SLC38A1: variants seen among roughly 807,000 people sequenced by gnomAD.
SLC38A1 encodes the protein solute carrier family 38 member 1.
SLC38A1 carries 18 observed loss-of-function variants against 60.3 expected under a neutral mutation model. The observed-to-expected ratio is 0.30, with a 90% confidence interval of 0.21 to 0.44. The LOEUF (loss-of-function observed/expected upper bound fraction) is 0.44. Among genes scored for constraint, SLC38A1 ranks in the 20% least tolerant of loss-of-function variants. The pLI, the probability that SLC38A1 is intolerant of heterozygous loss-of-function variation, is 1.00. For missense variants in SLC38A1, 448 were observed against 587.2 expected, an observed-to-expected ratio of 0.76 and a Z score of 2.45; for synonymous variants, 196 against 212.1, an observed-to-expected ratio of 0.92 and a Z score of 0.66.
At position 46,201,182 on chromosome 12, in the gene SLC38A1, T is replaced by A; in HGVS notation, c.919A>T (p.Met307Leu). 1 of 1,611,978 alleles carries A rather than the reference T, an allele frequency of 6.2e-7. No homozygotes were observed. The highest frequency in any genetic ancestry group is 8.5e-7 in the Non-Finnish European group (1 of 1,178,846). Residue 307 changes from methionine (M) to leucine (L), a missense_variant, in exon 13 of 17, where the codon ATG (methionine) becomes TTG (leucine). Physicochemically the swap from Met to Leu is conservative, Grantham distance 15. Coordinates refer to ENST00000398637, the MANE Select transcript of SLC38A1 (RefSeq NM_030674.4). ...SELKDRSQKK[M>L]QMVSNISFFA... The stretch of plus-strand genomic sequence containing the variant: ...AAGGAGATGTTTGAAACCATCTGCA[T>A]TTTTTTCTGTGATCGGCTAAAAACA...
intron 5 of SLC38A1, among the ~76,000 whole-genome samples, chr12:46,221,890 A>C (rs913730568): frequency 1.3e-5 from 2 of 152,180 alleles, no homozygotes; most frequent in African/African-American, 4.8e-5. Flanking sequence ...GTTTTGGAGG[A>C]GATAACATCT....
chr12:46,249,821 G>C (rs1006339972), intron 1 of SLC38A1, among the ~76,000 whole-genome samples: 1 of 152,090 alleles, frequency 6.6e-6, no homozygotes, highest in African/African-American at 2.4e-5. Flanking sequence ...ACCAATAACA[G>C]GCTGTGAAAT....
intron 1 of SLC38A1, among the ~76,000 whole-genome samples, chr12:46,253,392 A>G (rs1021658066): frequency 6.6e-6 from 1 of 152,196 alleles, no homozygotes; most frequent in African/African-American, 2.4e-5. Flanking sequence ...TTTTATGGTT[A>G]TTTGTTGATG....
chr12:46,231,493 A>T (rs1941075898), intron 3 of SLC38A1, among the ~76,000 whole-genome samples: 1 of 152,232 alleles, frequency 6.6e-6, no homozygotes, highest in South Asian at 2.1e-4. Context: ...TATTAGTAAG[A>T]TATGTTAAGG....
chr12:46,237,237 C>T (rs886583762), intron 3 of SLC38A1, among the ~76,000 whole-genome samples: 2 of 152,144 alleles, frequency 1.3e-5, no homozygotes, highest in Admixed American at 6.5e-5. Context: ...TTGGACCTAC[C>T]TTCCTCCCAC....
chr12:46,213,683 G>A (rs1399809783), intron 5 of SLC38A1, among the ~76,000 whole-genome samples: 1 of 152,128 alleles, frequency 6.6e-6, no homozygotes, highest in Non-Finnish European at 1.5e-5. Flanking sequence ...CTCCACTCTA[G>A]TGTGAGCCAT....
chr12:46,261,421 G>A (rs1030936770), intron 1 of SLC38A1, among the ~76,000 whole-genome samples: 9 of 152,112 alleles, frequency 5.9e-5, no homozygotes, highest in Admixed American at 1.3e-4. Context: ...TTGGGGACAA[G>A]GACCATACAT....
At chr12:46,228,650 A>G (rs1292179862) in intron 5 of SLC38A1, among the ~76,000 whole-genome samples, 1 of 152,188 alleles carries the variant, frequency 6.6e-6, no homozygotes, top group Non-Finnish European at 1.5e-5. Flanking sequence ...AAAATTGCCC[A>G]TTTTCTTTTC....
In SLC38A1 at chr12:46,256,611, G is replaced by GCA. The variant is rs1181945728; in HGVS notation, c.-209+11914_-209+11915insTG. Reference sequence around the variant, plus strand: ...AACCTCATCCAGTTTGCGCGCGCGCGCGCACACACACACACACACACACAC... The same window carrying GCA: ...AACCTCATCCAGTTTGCGCGCGCGCGCACGCACACACACACACACACACACAC... On this transcript the variant is annotated intron_variant, in intron 1 of 16. Transcript: ENST00000398637. Among the ~76,000 whole-genome samples, 308 of 113,008 alleles carry GCA rather than the reference G, an allele frequency of 2.7e-3. 2 individuals are homozygous for GCA. The highest frequency in any genetic ancestry group is 5.8e-3 in the East Asian group (22 of 3,778). The allele number at this position is 113,008 out of a possible 152,430, so 74.1% of individuals were successfully genotyped here. A position where few individuals can be genotyped will look rare whatever the true frequency, so the allele number is the denominator to read the frequency against.
intron 14 of SLC38A1, 84 bp from the exon 15 acceptor site, chr12:46,198,144 G>A: frequency 7.1e-7 from 1 of 1,410,594 alleles, no homozygotes; most frequent in Non-Finnish European, 9.7e-7. Flanking sequence ...TGATTTATTG[G>A]TGCACAGGAA....
chr12:46,201,149 T>C lies in SLC38A1; in HGVS notation c.952A>G (p.Met318Val), dbSNP rs754999005. ...GCAGTCAAGAAGTACATAACAAACA[T>C]GGCGAAAAAGGAGATGTTTGAAACC... is the stretch of plus-strand genomic sequence containing the variant. The part of the protein sequence containing the change: ...QMVSNISFFA[M>V]FVMYFLTAIF... Residue 318 changes from methionine to valine, a missense_variant, in exon 13 of 17, where the codon ATG (methionine) becomes GTG (valine). Physicochemically the swap from Met to Val is conservative, Grantham distance 21. Transcript: ENST00000398637. 1.9e-6 allele frequency: 3 copies of C among 1,613,512 alleles called. No individual in the cohort carries two copies. The highest frequency in any genetic ancestry group is 2.5e-6 in the Non-Finnish European group (3 of 1,179,722).
intron 1 of SLC38A1, among the ~76,000 whole-genome samples, chr12:46,248,164 G>C (rs1326649395): frequency 6.6e-6 from 1 of 152,144 alleles, no homozygotes; most frequent in South Asian, 2.1e-4. Flanking sequence ...CATAATGACA[G>C]GATCAAACTC....
intron 1 of SLC38A1, among the ~76,000 whole-genome samples, chr12:46,258,721 T>C (rs1409930874): frequency 6.6e-6 from 1 of 152,224 alleles, no homozygotes; most frequent in Non-Finnish European, 1.5e-5. Context: ...TGATGAGATC[T>C]CTGCTCACTG....
intron 2 of SLC38A1, among the ~76,000 whole-genome samples, chr12:46,241,514 G>A (rs1014218090): frequency 6.6e-6 from 1 of 152,094 alleles, no homozygotes; most frequent in East Asian, 1.9e-4. Flanking sequence ...ACCTTGTCTT[G>A]TCTTCAGGGC....
At chr12:46,233,590 G>A (rs1416791062) in intron 3 of SLC38A1, among the ~76,000 whole-genome samples, 4 of 152,324 alleles carry the variant, frequency 2.6e-5, no homozygotes, top group African/African-American at 7.2e-5. Context: ...ACTGTGACAT[G>A]AGGGGGCATT....
chr12:46,201,283 T>G, intron 12 of SLC38A1, 85 bp from the exon 13 acceptor site: 1 of 1,148,524 alleles, frequency 8.7e-7, no homozygotes, highest in East Asian at 2.6e-5. Flanking sequence ...CTAATTTAAC[T>G]TTGCTTCTGT....
At chr12:46,251,211 C>A (rs1941826577) in intron 1 of SLC38A1, among the ~76,000 whole-genome samples, 1 of 152,196 alleles carries the variant, frequency 6.6e-6, no homozygotes, top group African/African-American at 2.4e-5. Flanking sequence ...ACCATCTGAT[C>A]TTTGACAAAC....
chr12:46,205,370 A>G (rs1414653293), intron 9 of SLC38A1, among the ~76,000 whole-genome samples: 1 of 152,190 alleles, frequency 6.6e-6, no homozygotes, highest in Non-Finnish European at 1.5e-5. Flanking sequence ...AAAACAAAAA[A>G]CTAAGGCTCA....
rs561848222 is a variant in SLC38A1 at position 46,228,546 on chromosome 12, T to C, written c.314+607A>G. Among the ~76,000 whole-genome samples, 26 of 152,314 alleles carry C rather than the reference T, an allele frequency of 1.7e-4. No homozygotes were observed. The South Asian group carries it at 5.2e-3, about 30-fold the overall frequency. On this transcript the variant is annotated intron_variant, in intron 5 of 16. Transcript: ENST00000398637. The stretch of plus-strand genomic sequence containing the variant: ...GAGAATTTTCTTAGTACAAATTCTA[T>C]CATCTCTCTTAATCTTGTTCCAACT...
Sources: allele counts gnomAD v4.1 joint callset (sites outside exome capture counted in the v4.1 genomes callset), GRCh38; gene constraint gnomAD v4.1.1; transcripts MANE v1.5; gene names NCBI Gene and HGNC (gene_info 2026-07-23, HGNC 2026-07-21).